AFG1L: variants seen among roughly 807,000 people sequenced by gnomAD.
AFG1L encodes the protein AFG1-like ATPase.
A neutral mutation model predicts 62.2 loss-of-function variants in AFG1L; 53 were observed. That is an observed-to-expected ratio of 0.85 (90% CI 0.68 to 1.07). AFG1L has a LOEUF of 1.07. AFG1L is among the 50% of genes least tolerant of loss of function. AFG1L has a pLI of 0.00. For synonymous variants in AFG1L, 228 were observed against 210.3 expected (o/e 1.08, Z -0.73); for missense variants, 555 against 590.5 (o/e 0.94, Z 0.62).
At chr6:108,352,276 G>A (rs1019845441) in intron 3 of AFG1L, among the ~76,000 whole-genome samples, 41 of 152,146 alleles carry the variant, frequency 2.7e-4, no homozygotes, top group African/African-American at 9.4e-4. Context: ...ATTTTACTTA[G>A]CAAAATATCT....
intron 1 of AFG1L, among the ~76,000 whole-genome samples, chr6:108,300,874 A>G (rs1025330998): frequency 3.3e-5 from 5 of 152,062 alleles, no homozygotes; most frequent in African/African-American, 4.8e-5. Flanking sequence ...GGGTTTCACC[A>G]TATTAGCCAG....
chr6:108,391,738 T>C (rs556249280), intron 6 of AFG1L, among the ~76,000 whole-genome samples: 1 of 152,348 alleles, frequency 6.6e-6, no homozygotes, highest in African/African-American at 2.4e-5. Context: ...TTTGATGTTA[T>C]CTTCTGGAAT....
chr6:108,303,318 A>G (rs1777080906), intron 1 of AFG1L, among the ~76,000 whole-genome samples: 3 of 152,076 alleles, frequency 2.0e-5, no homozygotes, highest in African/African-American at 7.2e-5. Context: ...AAGTGTTAGG[A>G]TTACAGGCGT....
chr6:108,296,088 G>T (rs964226229), intron 1 of AFG1L, among the ~76,000 whole-genome samples: 5 of 152,066 alleles, frequency 3.3e-5, no homozygotes, highest in Non-Finnish European at 5.9e-5. Flanking sequence ...TACCTTAATA[G>T]ATTATTTATT....
chr6:108,501,442 AATT>A (rs1480121317), intron 10 of AFG1L, among the ~76,000 whole-genome samples: 1 of 152,336 alleles, frequency 6.6e-6, no homozygotes, highest in East Asian at 1.9e-4. Context: ...AGCTAGATGA[AATT>A]AGTAGTAGGA....
chr6:108,399,176 TTG>T (rs1219475388), intron 6 of AFG1L, among the ~76,000 whole-genome samples: 1,642 of 109,878 alleles, frequency 0.015, 88 homozygotes, highest in Admixed American at 0.054. Context: ...CTTCTTTTGT[TTG>T]TTTTTTTTTT....
chr6:108,437,177 T>C (rs998339471), intron 7 of AFG1L, among the ~76,000 whole-genome samples: 1 of 152,156 alleles, frequency 6.6e-6, no homozygotes, highest in African/African-American at 2.4e-5. Flanking sequence ...TTTCAACATA[T>C]GAATTCTGGG....
intron 7 of AFG1L, among the ~76,000 whole-genome samples, chr6:108,442,460 T>C (rs1424252634): frequency 1.3e-5 from 2 of 152,090 alleles, no homozygotes; most frequent in Non-Finnish European, 2.9e-5. Flanking sequence ...GCCCAGGTCC[T>C]AAAGGAGAGG....
At chr6:108,507,378 A>G (rs1002001816) in intron 10 of AFG1L, among the ~76,000 whole-genome samples, 3 of 152,250 alleles carry the variant, frequency 2.0e-5, no homozygotes, top group African/African-American at 7.2e-5. Flanking sequence ...AAGGAGAAAG[A>G]TAACTCTACT....
In AFG1L at chr6:108,323,966, A is replaced by C. The variant is rs752683160; in HGVS notation, c.281A>C (p.Gln94Pro). The change falls in exon 2 of 13, where the codon CAA becomes CCA. Residue 94 changes from glutamine (Q) to proline (P), a missense_variant. Physicochemically the swap from Gln to Pro is moderately conservative, Grantham distance 76 (BLOSUM62 -1). Coordinates refer to ENST00000368977, the MANE Select transcript of AFG1L (RefSeq NM_145315.5). ...CATGAGCTAAAGGATGATGAACATC[A>C]AAGAAGAGTCATACAGTGTTTGCAG... ...KAHELKDDEH[Q>P]RRVIQCLQKL... 1.9e-6 allele frequency: 3 copies of C among 1,614,238 alleles called. No individual in the cohort carries two copies. The highest frequency in any genetic ancestry group is 2.5e-6 in the Non-Finnish European group (3 of 1,180,024).
Position 108,402,167 on chromosome 6 carries a change from G to A in AFG1L, c.807+113G>A, listed in dbSNP as rs1781649235. ...CAAGCAGAATTTATTTTGGCATTTA[G>A]ATAGTAATAGTCAGGGGCCGGGCAC... On this transcript the variant is annotated intron_variant, in intron 7 of 12. Transcript: ENST00000368977. The A allele has an allele frequency of 5.6e-6, 3 of 536,300 alleles. No homozygotes were observed. In the African/African-American group the frequency reaches 6.0e-5, roughly 11 times the overall value. The allele number at this position is 536,300 out of a possible 1,614,324, so 33.2% of individuals were successfully genotyped here. A position where few individuals can be genotyped will look rare whatever the true frequency, so the allele number is the denominator to read the frequency against.
chr6:108,344,946 G>T, intron 2 of AFG1L: 1 of 367,944 alleles, frequency 2.7e-6, no homozygotes, highest in Non-Finnish European at 5.4e-6. Flanking sequence ...CTGACCTGCA[G>T]TGCCACTGTG....
At chr6:108,360,283 TTTC>T (rs1779471902) in intron 5 of AFG1L, among the ~76,000 whole-genome samples, 1 of 152,186 alleles carries the variant, frequency 6.6e-6, no homozygotes, top group Non-Finnish European at 1.5e-5. Context: ...CCAATACTAT[TTTC>T]TTCATAGATT....
At chr6:108,440,970 T>A (rs2114735414) in intron 7 of AFG1L, among the ~76,000 whole-genome samples, 1 of 152,320 alleles carries the variant, frequency 6.6e-6, no homozygotes, top group Non-Finnish European at 1.5e-5. Context: ...ATATAGTCAC[T>A]TAGATAAGGG....
chr6:108,378,853 A>G (rs560013606), intron 6 of AFG1L, among the ~76,000 whole-genome samples: 9 of 149,018 alleles, frequency 6.0e-5, no homozygotes, highest in East Asian at 2.0e-4. Flanking sequence ...TGTTGTTGTT[A>G]TTATTATTAT....
chr6:108,477,688 C>T (rs1280515855), intron 10 of AFG1L, among the ~76,000 whole-genome samples: 1 of 152,186 alleles, frequency 6.6e-6, no homozygotes. Flanking sequence ...AATTTCCACT[C>T]CTTGTACTGA....
chr6:108,467,571 C>A (rs1301596492), intron 8 of AFG1L, among the ~76,000 whole-genome samples: 1 of 152,094 alleles, frequency 6.6e-6, no homozygotes, highest in East Asian at 1.9e-4. Context: ...TTTTACTTAG[C>A]ATTTATTTTG....
At chr6:108,412,758 G>A (rs1782174308) in intron 7 of AFG1L, among the ~76,000 whole-genome samples, 1 of 152,150 alleles carries the variant, frequency 6.6e-6, no homozygotes, top group South Asian at 2.1e-4. Flanking sequence ...AAGAGCTCCT[G>A]AAGGAAGCAC....
At chr6:108,395,866 TGTCACCCAGGCTG>T (rs1435424897) in intron 6 of AFG1L, among the ~76,000 whole-genome samples, 3 of 150,670 alleles carry the variant, frequency 2.0e-5, no homozygotes, top group Admixed American at 1.3e-4. Flanking sequence ...AGTCTTGCTC[TGTCACCCAGGCTG>T]GTCACCCAGG....
Sources: allele counts gnomAD v4.1 joint callset (sites outside exome capture counted in the v4.1 genomes callset), GRCh38; gene constraint gnomAD v4.1.1; transcripts MANE v1.5; gene names NCBI Gene and HGNC (gene_info 2026-07-23, HGNC 2026-07-21).